OR10J1: variants seen among roughly 807,000 people sequenced by gnomAD.
OR10J1 encodes olfactory receptor 10J1.
For missense variants in OR10J1, 474 were observed against 376.6 expected, an observed-to-expected ratio of 1.26 and a Z score of -2.14; for synonymous variants, 202 against 143.8, an observed-to-expected ratio of 1.40 and a Z score of -2.89.
chr1:159,439,179 G>T (rs1402382207), upstream of OR10J1, among the ~76,000 whole-genome samples: 1 of 152,094 alleles, frequency 6.6e-6, no homozygotes, highest in Non-Finnish European at 1.5e-5. Flanking sequence ...TTTCTACTTT[G>T]CTTCTAATTC....
upstream of OR10J1, among the ~76,000 whole-genome samples, chr1:159,435,865 C>A (rs1015416680): frequency 6.6e-6 from 1 of 152,196 alleles, no homozygotes; most frequent in Non-Finnish European, 1.5e-5. Flanking sequence ...AGCTTTGTTT[C>A]TATAGTCACT....
upstream of OR10J1, among the ~76,000 whole-genome samples, chr1:159,434,028 C>T (rs936943960): frequency 3.3e-5 from 5 of 152,046 alleles, no homozygotes; most frequent in East Asian, 1.9e-4. Context: ...GTGACATCTC[C>T]TTTTGGTACA....
At chr1:159,419,519 T>C in the OR10J1 span, among the ~76,000 whole-genome samples, 1 of 152,216 alleles carries the variant, frequency 6.6e-6, no homozygotes, top group African/African-American at 2.4e-5. Flanking sequence ...CATGGAACTG[T>C]GAGTCTATTA....
chr1:159,402,888 G>A, the OR10J1 span, among the ~76,000 whole-genome samples: 1 of 152,026 alleles, frequency 6.6e-6, no homozygotes, highest in Non-Finnish European at 1.5e-5. Context: ...AACCAAAACA[G>A]CATACTAGTG....
the OR10J1 span, among the ~76,000 whole-genome samples, chr1:159,406,630 A>C: frequency 9.9e-5 from 15 of 152,116 alleles, no homozygotes; most frequent in African/African-American, 3.6e-4. Context: ...GAACAACAAA[A>C]TTAAGAAAAC....
the OR10J1 span, among the ~76,000 whole-genome samples, chr1:159,419,066 T>G: frequency 2.0e-5 from 3 of 152,226 alleles, no homozygotes; most frequent in Non-Finnish European, 4.4e-5. Context: ...GTAACTAACT[T>G]GCTTTTGATT....
upstream of OR10J1, among the ~76,000 whole-genome samples, chr1:159,435,083 C>A (rs920247184): frequency 2.0e-5 from 3 of 152,254 alleles, no homozygotes; most frequent in African/African-American, 7.2e-5. Context: ...ATACCCAGGA[C>A]ATTATTTCAG....
chr1:159,407,599 C>T, the OR10J1 span, among the ~76,000 whole-genome samples: 3 of 152,010 alleles, frequency 2.0e-5, no homozygotes, highest in Non-Finnish European at 4.4e-5. Flanking sequence ...AAGCTAAAGA[C>T]AAAGGACAGT....
chr1:159,424,296 A>T, the OR10J1 span, among the ~76,000 whole-genome samples: 1 of 151,498 alleles, frequency 6.6e-6, no homozygotes, highest in Non-Finnish European at 1.5e-5. Context: ...TGCATTAAAG[A>T]GGAAATAATT....
the OR10J1 span, among the ~76,000 whole-genome samples, chr1:159,412,755 A>G: frequency 6.6e-6 from 1 of 151,826 alleles, no homozygotes; most frequent in Admixed American, 6.6e-5. Context: ...CCTAGGCGTT[A>G]CCATTCAGGA....
At chr1:159,431,389 C>T in the OR10J1 span, among the ~76,000 whole-genome samples, 2 of 152,226 alleles carry the variant, frequency 1.3e-5, no homozygotes, top group African/African-American at 4.8e-5. Context: ...TCCTGGGACA[C>T]AGGAGAATGG....
At chr1:159,429,090 G>T in the OR10J1 span, among the ~76,000 whole-genome samples, 2 of 152,184 alleles carry the variant, frequency 1.3e-5, no homozygotes, top group African/African-American at 4.8e-5. Context: ...GTTCTGGAGA[G>T]AGAAAGAGGG....
chr1:159,429,611 C>T, the OR10J1 span, among the ~76,000 whole-genome samples: 2 of 152,130 alleles, frequency 1.3e-5, no homozygotes, highest in African/African-American at 4.8e-5. Flanking sequence ...TAATGAGTTC[C>T]CCAGACATCA....
the OR10J1 span, among the ~76,000 whole-genome samples, chr1:159,412,909 C>A: frequency 3.2e-4 from 49 of 150,932 alleles, no homozygotes; most frequent in African/African-American, 8.7e-4. Context: ...CAACCTACAA[C>A]ATGGGAGAAA....
At chr1:159,405,994 C>G in the OR10J1 span, 4 of 447,334 alleles carry the variant, frequency 8.9e-6, no homozygotes, top group East Asian at 1.4e-4. Flanking sequence ...TTGCAGAAGA[C>G]CACATAGCAA....
the OR10J1 span, among the ~76,000 whole-genome samples, chr1:159,401,141 AC>A: frequency 6.6e-6 from 1 of 151,644 alleles, no homozygotes; most frequent in Admixed American, 6.6e-5. Flanking sequence ...AAGTGCCTGC[AC>A]CAAAAAAAAA....
At chr1:159,421,736 G>A in the OR10J1 span, among the ~76,000 whole-genome samples, 1 of 152,174 alleles carries the variant, frequency 6.6e-6, no homozygotes, top group South Asian at 2.1e-4. Flanking sequence ...GTTTGGGTAG[G>A]AACTGGAATG....
chr1:159,405,711 G>T, the OR10J1 span: 8 of 683,238 alleles, frequency 1.2e-5, no homozygotes, highest in Admixed American at 1.2e-4. Flanking sequence ...TGGTGTAGAT[G>T]ATGAGGTCAT....
the OR10J1 span, among the ~76,000 whole-genome samples, chr1:159,420,745 G>A: frequency 6.6e-6 from 1 of 151,802 alleles, no homozygotes; most frequent in Non-Finnish European, 1.5e-5. Context: ...TGGTCTGCAT[G>A]GTTTCTGCTG....
Sources: gnomAD v4.1 joint callset for allele counts (sites outside exome capture counted in the v4.1 genomes callset) on GRCh38, gnomAD v4.1.1 for gene constraint, MANE v1.5 for transcripts, NCBI Gene and HGNC (gene_info 2026-07-23, HGNC 2026-07-21) for gene names.